Variants in RANBP2 observed in about 807,000 individuals in gnomAD.
RANBP2 encodes the protein RAN binding protein 2, also known as E3 SUMO-protein ligase RanBP2.
Under a neutral mutation model 303.6 loss-of-function variants are expected in RANBP2, and 57 were observed. The observed-to-expected ratio is 0.19, with a 90% CI of 0.15 to 0.23. RANBP2 has a LOEUF of 0.23. Among genes scored for constraint, RANBP2 ranks in the 10% least tolerant of loss-of-function variants. The pLI is 1.00. For synonymous variants in RANBP2, 1,167 were observed against 1,301.5 expected (o/e 0.90, Z 2.23); for missense variants, 3,138 against 3,780.8 (o/e 0.83, Z 4.46).
At chr2:109,664,930 A>G in the RANBP2 span, among the ~76,000 whole-genome samples, 88 of 145,024 alleles carry the variant, frequency 6.1e-4, no homozygotes, top group East Asian at 0.015. Context: ...AATTCTGTCT[A>G]AAAAAAAAAA....
chr2:109,088,575 C>T, the RANBP2 span, among the ~76,000 whole-genome samples: 13 of 152,042 alleles, frequency 8.6e-5, 1 homozygote, highest in African/African-American at 2.7e-4. Flanking sequence ...TGCAGTGGTA[C>T]GATCTTGGCT....
At chr2:109,409,828 G>T in the RANBP2 span, among the ~76,000 whole-genome samples, 20 of 152,080 alleles carry the variant, frequency 1.3e-4, no homozygotes, top group Admixed American at 5.9e-4. Context: ...AGTTCATGAG[G>T]GTCTGATTTA....
chr2:108,987,419 G>T, the RANBP2 span, among the ~76,000 whole-genome samples: 2 of 152,214 alleles, frequency 1.3e-5, no homozygotes, highest in South Asian at 2.1e-4. Flanking sequence ...CCGCCCAATG[G>T]CAGGCACTGG....
the RANBP2 span, among the ~76,000 whole-genome samples, chr2:108,822,349 T>C: frequency 6.6e-6 from 1 of 152,130 alleles, no homozygotes; most frequent in Non-Finnish European, 1.5e-5. Flanking sequence ...AACATAATAC[T>C]ACTAGGAAAC....
At chr2:109,231,161 G>A in the RANBP2 span, among the ~76,000 whole-genome samples, 2 of 152,246 alleles carry the variant, frequency 1.3e-5, no homozygotes, top group African/African-American at 4.8e-5. Flanking sequence ...TCCTCCCGGA[G>A]CCAGGCCAGA....
chr2:108,939,067 C>A, the RANBP2 span, among the ~76,000 whole-genome samples: 1 of 152,106 alleles, frequency 6.6e-6, no homozygotes, highest in East Asian at 1.9e-4. Flanking sequence ...CATGAGCCAC[C>A]GTGCCTGGCC....
chr2:109,426,433 G>A, the RANBP2 span, among the ~76,000 whole-genome samples: 5 of 152,234 alleles, frequency 3.3e-5, no homozygotes, highest in Admixed American at 6.5e-5. Flanking sequence ...AGACTTCAGT[G>A]TAGGAAGTCA....
chr2:109,452,632 G>A, the RANBP2 span, among the ~76,000 whole-genome samples: 6 of 152,206 alleles, frequency 3.9e-5, no homozygotes, highest in Non-Finnish European at 8.8e-5. Context: ...CCATATCCCT[G>A]TGTGTGGAGA....
the RANBP2 span, among the ~76,000 whole-genome samples, chr2:109,266,980 A>G: frequency 3.2e-4 from 48 of 152,304 alleles, no homozygotes; most frequent in South Asian, 2.3e-3. Flanking sequence ...TTAATTTGCA[A>G]ATCTGTGTCT....
At chr2:109,288,306 T>C in the RANBP2 span, among the ~76,000 whole-genome samples, 1 of 152,230 alleles carries the variant, frequency 6.6e-6, no homozygotes, top group Non-Finnish European at 1.5e-5. Flanking sequence ...TCAGAGTTAT[T>C]GCAGGCATGG....
At chr2:109,599,138 T>C in the RANBP2 span, among the ~76,000 whole-genome samples, 1 of 151,976 alleles carries the variant, frequency 6.6e-6, no homozygotes, top group Admixed American at 6.6e-5. Context: ...TAGAAGTGGA[T>C]GCTTATTACA....
At chr2:109,210,574 C>T in the RANBP2 span, among the ~76,000 whole-genome samples, 3 of 152,302 alleles carry the variant, frequency 2.0e-5, no homozygotes, top group East Asian at 1.9e-4. Context: ...ATGGCCTAAG[C>T]AGGTGGCTCT....
chr2:109,421,594 C>T, the RANBP2 span, among the ~76,000 whole-genome samples: 144 of 152,326 alleles, frequency 9.5e-4, no homozygotes, highest in African/African-American at 3.3e-3. Context: ...TCACCCAGTT[C>T]GCCTGCCCTG....
chr2:108,887,685 A>G, the RANBP2 span, among the ~76,000 whole-genome samples: 1 of 152,088 alleles, frequency 6.6e-6, no homozygotes, highest in Non-Finnish European at 1.5e-5. Context: ...CTAGATCACT[A>G]TGGGTATAGA....
the RANBP2 span, among the ~76,000 whole-genome samples, chr2:108,975,500 C>T: frequency 2.0e-5 from 3 of 152,168 alleles, no homozygotes; most frequent in Non-Finnish European, 2.9e-5. Context: ...GGTCAACCCG[C>T]GGTAGCTTGG....
chr2:109,471,473 C>T, the RANBP2 span, among the ~76,000 whole-genome samples: 13 of 152,286 alleles, frequency 8.5e-5, no homozygotes, highest in East Asian at 3.9e-4. Context: ...AAACTGCCCC[C>T]GTGATCTAGT....
chr2:109,017,496 A>T, the RANBP2 span, among the ~76,000 whole-genome samples: 8 of 152,190 alleles, frequency 5.3e-5, no homozygotes, highest in Admixed American at 5.2e-4. Context: ...GCCTGGCCTC[A>T]TCCACTTCCA....
At chr2:109,037,130 C>G in the RANBP2 span, among the ~76,000 whole-genome samples, 3 of 151,910 alleles carry the variant, frequency 2.0e-5, no homozygotes, top group African/African-American at 7.2e-5. Flanking sequence ...GCCTGTGTGA[C>G]AGAGTGAGAC....
At chr2:108,873,619 A>G in the RANBP2 span, 1 of 1,476,482 alleles carries the variant, frequency 6.8e-7, no homozygotes. Context: ...AACATTTTTT[A>G]TTGAAAAATA....
Sources: allele counts gnomAD v4.1 joint callset (sites outside exome capture counted in the v4.1 genomes callset), GRCh38; gene constraint gnomAD v4.1.1; transcripts MANE v1.5; gene names NCBI Gene and HGNC (gene_info 2026-07-23, HGNC 2026-07-21).